The following NDST3 variants were observed in gnomAD, a reference collection of about 807,000 sequenced individuals.
NDST3 encodes the protein bifunctional heparan sulfate N-deacetylase/N-sulfotransferase 3.
In NDST3, 58 loss-of-function variants were observed where a neutral mutation model predicts 96.1. That is an observed-to-expected ratio of 0.60 (90% CI 0.49 to 0.75). The LOEUF (loss-of-function observed/expected upper bound fraction) is 0.75. NDST3 is among the 30% of genes least tolerant of loss of function. The pLI is 0.00. For synonymous variants in NDST3, 333 were observed against 359.7 expected, an observed-to-expected ratio of 0.93 and a Z score of 0.84; for missense variants, 788 against 1,034.2, an observed-to-expected ratio of 0.76 and a Z score of 3.27.
chr4:118,152,312 G>A (rs1328598388), intron 6 of NDST3, among the ~76,000 whole-genome samples: 1 of 152,146 alleles, frequency 6.6e-6, no homozygotes, highest in Non-Finnish European at 1.5e-5. Flanking sequence ...GCTCATTCAA[G>A]TTACCTCAGG....
At chr4:118,187,198 C>G (rs1054935109) in intron 6 of NDST3, among the ~76,000 whole-genome samples, 4 of 152,214 alleles carry the variant, frequency 2.6e-5, no homozygotes, top group Non-Finnish European at 5.9e-5. Context: ...GTACCAGCAA[C>G]TATACAGATA....
chr4:118,054,574 G>C lies in NDST3; in HGVS notation c.664G>C (p.Val222Leu). The C allele has an allele frequency of 6.2e-7, 1 of 1,613,298 alleles. No individual in the cohort carries two copies. The highest frequency in any genetic ancestry group is 8.5e-7 in the Non-Finnish European group (1 of 1,179,474). ...KGSLPGTDWT[V>L]FQINHSAYQP... ...TTCTTTACCTGGAACTGACTGGACA[G>C]TTTTTCAGATTAATCATTCAGCCTA... The change falls in exon 2 of 14, where the codon GTT becomes CTT. Residue 222 changes from valine to leucine, a missense_variant. Around this residue, in one of 3 missense-constraint regions of NDST3, gnomAD observed 490 missense variants for 708.8 expected, o/e 0.69. Coordinates refer to ENST00000296499, the MANE Select transcript of NDST3 (RefSeq NM_004784.3).
intron 6 of NDST3, among the ~76,000 whole-genome samples, chr4:118,222,388 T>C (rs1034234136): frequency 7.9e-5 from 12 of 151,842 alleles, no homozygotes; most frequent in Non-Finnish European, 1.5e-5. Flanking sequence ...ATAGAAAATA[T>C]TGTGATTCAT....
At chr4:118,083,198 A>G (rs1030303852) in intron 2 of NDST3, among the ~76,000 whole-genome samples, 8 of 152,194 alleles carry the variant, frequency 5.3e-5, no homozygotes, top group African/African-American at 1.4e-4. Context: ...TTTTCAATAC[A>G]TGAGTTTTTA....
intron 12 of NDST3, among the ~76,000 whole-genome samples, chr4:118,249,742 A>ACACACACACG (rs948398091): frequency 3.3e-5 from 5 of 151,906 alleles, no homozygotes; most frequent in African/African-American, 1.2e-4. Flanking sequence ...ACACACACAC[A>ACACACACACG]CACACACACA....
chr4:118,209,100 A>T (rs1738623363), intron 6 of NDST3, among the ~76,000 whole-genome samples: 1 of 152,170 alleles, frequency 6.6e-6, no homozygotes, highest in Admixed American at 6.6e-5. Context: ...ACATTTAGAG[A>T]TGTTTAATTT....
intron 4 of NDST3, among the ~76,000 whole-genome samples, chr4:118,118,831 A>G (rs1381610411): frequency 6.6e-6 from 1 of 152,218 alleles, no homozygotes; most frequent in Non-Finnish European, 1.5e-5. Flanking sequence ...TATCAACTGT[A>G]CAGTGTGTAA....
chr4:118,034,106 G>A (rs566613320), upstream of NDST3, among the ~76,000 whole-genome samples: 22 of 152,148 alleles, frequency 1.4e-4, no homozygotes, highest in South Asian at 3.9e-3. Flanking sequence ...TTAGACAATG[G>A]AAAGAAAAAA....
At chr4:118,221,546 T>A (rs185240026) in intron 6 of NDST3, among the ~76,000 whole-genome samples, 6 of 152,094 alleles carry the variant, frequency 3.9e-5, no homozygotes, top group African/African-American at 1.4e-4. Context: ...GAGCCATGCA[T>A]CCCCCATACC....
chr4:118,192,921 G>A (rs1737407384), intron 6 of NDST3, among the ~76,000 whole-genome samples: 1 of 152,022 alleles, frequency 6.6e-6, no homozygotes, highest in African/African-American at 2.4e-5. Flanking sequence ...CATGCCATCT[G>A]GGGTGAGGAA....
At chr4:118,168,017 T>C (rs1321837853) in intron 6 of NDST3, among the ~76,000 whole-genome samples, 1 of 151,868 alleles carries the variant, frequency 6.6e-6, no homozygotes, top group African/African-American at 2.4e-5. Context: ...TTCTTGAATA[T>C]GACACCAAAA....
chr4:118,072,774 A>G (rs991021079), intron 2 of NDST3, among the ~76,000 whole-genome samples: 5 of 152,068 alleles, frequency 3.3e-5, no homozygotes, highest in African/African-American at 9.7e-5. Context: ...GTTGAATAGG[A>G]GTAGTGACAG....
chr4:118,069,657 C>A (rs961072972), intron 2 of NDST3, among the ~76,000 whole-genome samples: 3 of 151,996 alleles, frequency 2.0e-5, no homozygotes. Context: ...GTTTGCAAAT[C>A]TAATAGGTAA....
In NDST3 at chr4:118,054,244, C is replaced by T. The variant is rs895950418; in HGVS notation, c.334C>T (p.Pro112Ser). Residue 112 changes from proline (P) to serine (S), a missense_variant, in exon 2 of 14, where the codon CCT becomes TCT. Coordinates refer to ENST00000296499, the MANE Select transcript of NDST3 (RefSeq NM_004784.3). ...SRFQYHIEIAPGKGDLPVLID... is the reference protein window; with the variant it reads ...SRFQYHIEIASGKGDLPVLID... ...ATTCCAGTATCACATTGAAATTGCC[C>T]CTGGAAAGGGAGATCTCCCAGTGCT... 2 of 1,612,468 alleles carry T rather than the reference C, an allele frequency of 1.2e-6. No individual in the cohort carries two copies. Among genetic ancestry groups the T allele is most frequent in the Non-Finnish European group, 1.7e-6 (2 of 1,179,308 alleles).
At chr4:118,104,421 A>C (rs992922252) in intron 2 of NDST3, among the ~76,000 whole-genome samples, 1 of 152,174 alleles carries the variant, frequency 6.6e-6, no homozygotes, top group Admixed American at 6.5e-5. Context: ...ATTTTATAGG[A>C]TATAACAATT....
At chr4:118,142,305 GT>G (rs1733628621) in intron 5 of NDST3, among the ~76,000 whole-genome samples, 1 of 151,702 alleles carries the variant, frequency 6.6e-6, no homozygotes, top group South Asian at 2.1e-4. Context: ...GATATATAGA[GT>G]TTTTATTTAT....
At chr4:118,105,598 T>C (rs1289270755) in intron 3 of NDST3, among the ~76,000 whole-genome samples, 2 of 152,210 alleles carry the variant, frequency 1.3e-5, no homozygotes, top group African/African-American at 4.8e-5. Flanking sequence ...ACAATGTTAT[T>C]TTTGTTTCAG....
At chr4:118,184,443 T>C (rs568977602) in intron 6 of NDST3, among the ~76,000 whole-genome samples, 1 of 152,072 alleles carries the variant, frequency 6.6e-6, no homozygotes, top group Non-Finnish European at 1.5e-5. Context: ...TCCCAGCAGA[T>C]TGTGCTTGGA....
At chr4:118,162,134 A>T (rs1458348349) in intron 6 of NDST3, among the ~76,000 whole-genome samples, 2 of 152,204 alleles carry the variant, frequency 1.3e-5, no homozygotes, top group Non-Finnish European at 2.9e-5. Flanking sequence ...TTCCATGCTC[A>T]TGGGTAGGAA....
Sources: allele counts gnomAD v4.1 joint callset (sites outside exome capture counted in the v4.1 genomes callset), GRCh38; gene constraint gnomAD v4.1.1; regional missense constraint gnomAD v4.1.1; transcripts MANE v1.5; gene names NCBI Gene and HGNC (gene_info 2026-07-23, HGNC 2026-07-21).